Variants in PPP2R2B observed in about 807,000 individuals in gnomAD.
PPP2R2B encodes serine/threonine-protein phosphatase 2A 55 kDa regulatory subunit B beta isoform.
Under a neutral mutation model 46.0 loss-of-function variants are expected in PPP2R2B, and 5 were observed. The observed-to-expected ratio is 0.11, with a 90% CI of 0.06 to 0.23. The LOEUF (loss-of-function observed/expected upper bound fraction) is 0.23, where lower values mean the gene tolerates loss of function less well. PPP2R2B is among the 10% of genes least tolerant of loss of function. The probability of loss-of-function intolerance (pLI) is 1.00; values close to 1 mark genes in which losing one functional copy is unlikely to be tolerated. For missense variants in PPP2R2B, 367 were observed against 575.0 expected, an observed-to-expected ratio of 0.64 and a Z score of 3.70; for synonymous variants, 215 against 206.7, an observed-to-expected ratio of 1.04 and a Z score of -0.34.
intron 2 of PPP2R2B, among the ~76,000 whole-genome samples, chr5:146,746,113 T>C (rs1753176845): frequency 2.6e-5 from 4 of 152,176 alleles, no homozygotes; most frequent in African/African-American, 9.7e-5. Flanking sequence ...TATAGCGCTA[T>C]TATGTGCTAC....
chr5:146,746,847 A>C (rs536644418), intron 2 of PPP2R2B, among the ~76,000 whole-genome samples: 1 of 152,334 alleles, frequency 6.6e-6, no homozygotes, highest in African/African-American at 2.4e-5. Flanking sequence ...AAAGTGCTGT[A>C]GGGATATTTA....
At chr5:146,606,735 C>T (rs779667128) in intron 7 of PPP2R2B, among the ~76,000 whole-genome samples, 3 of 152,262 alleles carry the variant, frequency 2.0e-5, no homozygotes, top group Middle Eastern at 3.4e-3. Flanking sequence ...GGCTGCGACA[C>T]AGACACATAC....
At chr5:146,845,696 T>A (rs1403672726) in intron 2 of PPP2R2B, among the ~76,000 whole-genome samples, 1 of 152,236 alleles carries the variant, frequency 6.6e-6, no homozygotes, top group Non-Finnish European at 1.5e-5. Context: ...TGATGCTCCA[T>A]GACCATACAG....
At chr5:146,776,588 T>C (rs1487922398) in intron 2 of PPP2R2B, among the ~76,000 whole-genome samples, 1 of 152,104 alleles carries the variant, frequency 6.6e-6, no homozygotes, top group East Asian at 1.9e-4. Context: ...ATGTCAGACT[T>C]GGCAATAGTT....
chr5:146,991,061 T>TA lies in PPP2R2B; in HGVS notation c.79+64603dup, dbSNP rs113001941. 1.0e-3 allele frequency among the ~76,000 whole-genome samples: 158 copies of TA among 151,766 alleles called. 1 individual carries two copies. The highest frequency in any genetic ancestry group is 3.5e-3 in the African/African-American group (144 of 41,454). On this transcript the variant is annotated intron_variant, in intron 1 of 8. Transcript: ENST00000336640. ...GTTAGAATGAATATCATTAAAAAGA[T>TA]AAAAAAAACACAAATGCTTGTGAAG...
At chr5:146,935,235 A>G (rs1013019105) in intron 1 of PPP2R2B, among the ~76,000 whole-genome samples, 1 of 152,178 alleles carries the variant, frequency 6.6e-6, no homozygotes, top group African/African-American at 2.4e-5. Context: ...AATTAGTGCC[A>G]TTATGTAATA....
intron 1 of PPP2R2B, among the ~76,000 whole-genome samples, chr5:146,961,858 G>A (rs1449918116): frequency 2.0e-5 from 3 of 151,866 alleles, no homozygotes; most frequent in African/African-American, 7.3e-5. Context: ...ATTTTCTATG[G>A]TGTCCCTATT....
intron 4 of PPP2R2B, among the ~76,000 whole-genome samples, chr5:146,696,423 G>A (rs968136087): frequency 2.0e-5 from 3 of 152,164 alleles, no homozygotes; most frequent in African/African-American, 4.8e-5. Flanking sequence ...AGTTTTAAAT[G>A]CAATAATCAA....
At chr5:146,936,562 A>G (rs1764149194) in intron 1 of PPP2R2B, among the ~76,000 whole-genome samples, 1 of 151,608 alleles carries the variant, frequency 6.6e-6, no homozygotes, top group Non-Finnish European at 1.5e-5. Context: ...AGATTTTTAC[A>G]GTCGTTTTGA....
chr5:147,072,120 T>C (rs1479674619), intron 2 of PPP2R2B, among the ~76,000 whole-genome samples: 1 of 152,194 alleles, frequency 6.6e-6, no homozygotes, highest in East Asian at 1.9e-4. Flanking sequence ...CATTGGACAA[T>C]TTAAAACTTA....
intron 2 of PPP2R2B, among the ~76,000 whole-genome samples, chr5:146,853,207 T>C (rs1207950598): frequency 6.6e-6 from 1 of 152,162 alleles, no homozygotes; most frequent in Non-Finnish European, 1.5e-5. Flanking sequence ...ATTAGAGGCA[T>C]TGCTAACAAA....
At chr5:146,801,954 T>A (rs1756894956) in intron 2 of PPP2R2B, among the ~76,000 whole-genome samples, 1 of 152,210 alleles carries the variant, frequency 6.6e-6, no homozygotes, top group Non-Finnish European at 1.5e-5. Context: ...CAGCTGCATG[T>A]GTCTGTCATT....
intron 2 of PPP2R2B, among the ~76,000 whole-genome samples, chr5:146,779,491 C>G (rs151175469): frequency 2.0e-5 from 3 of 152,118 alleles, no homozygotes; most frequent in Admixed American, 2.0e-4. Context: ...TGACTGCCGG[C>G]CCGGTGATAA....
chr5:147,007,148 C>T (rs1348315736), intron 1 of PPP2R2B, among the ~76,000 whole-genome samples: 1 of 152,144 alleles, frequency 6.6e-6, no homozygotes, highest in Admixed American at 6.5e-5. Flanking sequence ...CCCGCTGGTC[C>T]TTTCACTGAC....
At chr5:146,596,445 C>T (rs1771176619) in intron 8 of PPP2R2B, among the ~76,000 whole-genome samples, 1 of 152,146 alleles carries the variant, frequency 6.6e-6, no homozygotes, top group Non-Finnish European at 1.5e-5. Context: ...ACCTCACAAT[C>T]TATCATGGTG....
chr5:146,635,712 C>A (rs182209359), intron 7 of PPP2R2B, among the ~76,000 whole-genome samples: 10 of 152,344 alleles, frequency 6.6e-5, no homozygotes, highest in Middle Eastern at 3.4e-3. Flanking sequence ...GAGTCCCAAC[C>A]CTTCACTCTC....
At chr5:146,667,840 G>C (rs567151833) in intron 5 of PPP2R2B, among the ~76,000 whole-genome samples, 1 of 152,162 alleles carries the variant, frequency 6.6e-6, no homozygotes, top group African/African-American at 2.4e-5. Context: ...CCTCCAATGA[G>C]TCACTCCAGC....
At chr5:146,622,713 G>C (rs1266143475) in intron 7 of PPP2R2B, among the ~76,000 whole-genome samples, 1 of 152,146 alleles carries the variant, frequency 6.6e-6, no homozygotes, top group Non-Finnish European at 1.5e-5. Context: ...GAAAAGTTGA[G>C]TTGGAAACAA....
chr5:146,837,648 A>G (rs2151361837), intron 2 of PPP2R2B, among the ~76,000 whole-genome samples: 1 of 152,348 alleles, frequency 6.6e-6, no homozygotes, highest in East Asian at 1.9e-4. Flanking sequence ...CGAAAATACC[A>G]TTTCCACATG....
Sources: allele counts gnomAD v4.1 joint callset (sites outside exome capture counted in the v4.1 genomes callset), GRCh38; gene constraint gnomAD v4.1.1; transcripts MANE v1.5; gene names NCBI Gene and HGNC (gene_info 2026-07-23, HGNC 2026-07-21).